DACH2: variants seen among roughly 807,000 people sequenced by gnomAD.
DACH2 encodes the protein dachshund homolog 2.
Under a neutral mutation model 35.8 loss-of-function variants are expected in DACH2, and 17 were observed. That is an observed-to-expected ratio of 0.48 (90% CI 0.33 to 0.71). DACH2 has a LOEUF of 0.71. Ranked by LOEUF, DACH2 falls within the 30% of genes least tolerant of loss-of-function variation. DACH2 has a pLI of 0.02. For synonymous variants in DACH2, 195 were observed against 177.3 expected (o/e 1.10, Z -0.79); for missense variants, 469 against 472.7 (o/e 0.99, Z 0.07).
chrX:86,743,637 A>C, intron 7 of DACH2, among the ~76,000 whole-genome samples: 1 of 111,453 alleles, frequency 9.0e-6, no homozygotes, highest in Middle Eastern at 4.6e-3. Context: ...AATTACCTAG[A>C]TGAGCATTTT....
At chrX:86,312,097 T>C (rs756764128) in intron 1 of DACH2, among the ~76,000 whole-genome samples, 3 of 111,910 alleles carry the variant, frequency 2.7e-5, no homozygotes, top group Non-Finnish European at 5.6e-5. Flanking sequence ...TAGAAGAAGG[T>C]AGTCATCGTT....
intron 1 of DACH2, among the ~76,000 whole-genome samples, chrX:86,199,690 C>T (rs891790829): frequency 1.8e-5 from 2 of 111,045 alleles, no homozygotes; most frequent in African/African-American, 6.5e-5. Context: ...AATACCTAGG[C>T]GGTAGCTATT....
At chrX:86,457,094 A>G (rs1450021684) in intron 2 of DACH2, among the ~76,000 whole-genome samples, 3 of 111,221 alleles carry the variant, frequency 2.7e-5, no homozygotes, top group Non-Finnish European at 5.7e-5. Flanking sequence ...TTTTTATGTC[A>G]TTGTCTTCTA....
At chrX:86,517,823 TA>T (rs760322710) in intron 3 of DACH2, among the ~76,000 whole-genome samples, 4 of 111,829 alleles carry the variant, frequency 3.6e-5, no homozygotes, top group Non-Finnish European at 5.6e-5. Flanking sequence ...AGTTTGCAAA[TA>T]TTTTTTTTCC....
intron 4 of DACH2, among the ~76,000 whole-genome samples, chrX:86,673,961 G>T (rs1281493402): frequency 8.9e-6 from 1 of 111,907 alleles, no homozygotes; most frequent in Non-Finnish European, 1.9e-5. Flanking sequence ...CCCAGCTAGG[G>T]AAGCCTGTAC....
chrX:86,739,799 G>A lies in DACH2; in HGVS notation c.1157G>A (p.Arg386His), dbSNP rs745838015. Residue 386 changes from arginine to histidine, a missense_variant, in exon 7 of 12, where the codon CGT becomes CAT. Physicochemically the swap from Arg to His is conservative, Grantham distance 29. Transcript: ENST00000373125. ...GCTCCTTCTCTAGAAGAGAATCATC[G>A]TCCTGGGAGCCAGACCTCTTCCCAC... ...SPAPSLEENH[R>H]PGSQTSSHTS... 9 of 1,194,468 alleles carry A rather than the reference G, an allele frequency of 7.5e-6. No individual in the cohort carries two copies. The highest frequency in any genetic ancestry group is 1.8e-5 in the South Asian group (1 of 54,681).
At chrX:86,324,665 G>A (rs1045239664) in intron 1 of DACH2, among the ~76,000 whole-genome samples, 6 of 89,773 alleles carry the variant, frequency 6.7e-5, no homozygotes, top group Admixed American at 3.0e-4. Flanking sequence ...TGCAAGCTCC[G>A]CCTCCCGGGT....
At chrX:86,675,074 T>C (rs1163539712) in intron 4 of DACH2, among the ~76,000 whole-genome samples, 1 of 111,649 alleles carries the variant, frequency 9.0e-6, no homozygotes, top group Non-Finnish European at 1.9e-5. Context: ...CCTTTTCCCA[T>C]CCCTCTGCCT....
intron 1 of DACH2, among the ~76,000 whole-genome samples, chrX:86,274,111 T>C (rs2033862670): frequency 1.1e-5 from 1 of 93,652 alleles, no homozygotes; most frequent in Non-Finnish European, 2.1e-5. Flanking sequence ...GTTCTTTCAG[T>C]TGCTGAAGGT....
At chrX:86,496,058 G>A (rs994190678) in intron 2 of DACH2, among the ~76,000 whole-genome samples, 3 of 110,811 alleles carry the variant, frequency 2.7e-5, no homozygotes, top group East Asian at 2.9e-4. Context: ...TAAGTGTGAC[G>A]TGCTTATTAT....
intron 1 of DACH2, among the ~76,000 whole-genome samples, chrX:86,319,524 T>G (rs1426239348): frequency 8.9e-6 from 1 of 111,907 alleles, no homozygotes; most frequent in Non-Finnish European, 1.9e-5. Flanking sequence ...GGGTCATGGT[T>G]ACTTCCATAT....
intron 3 of DACH2, among the ~76,000 whole-genome samples, chrX:86,618,582 T>C (rs1270229730): frequency 8.9e-6 from 1 of 112,208 alleles, no homozygotes; most frequent in African/African-American, 3.2e-5. Context: ...ACAAATATGT[T>C]TTACATAAAA....
intron 2 of DACH2, among the ~76,000 whole-genome samples, chrX:86,506,200 T>A (rs1346476719): frequency 1.8e-5 from 2 of 111,282 alleles, no homozygotes; most frequent in Non-Finnish European, 3.8e-5. Flanking sequence ...GGGGAATAAC[T>A]GTCTCAAAAG....
At chrX:86,331,001 G>C (rs1419958686) in intron 1 of DACH2, among the ~76,000 whole-genome samples, 1 of 111,231 alleles carries the variant, frequency 9.0e-6, no homozygotes, top group East Asian at 2.8e-4. Context: ...GAAAACCACA[G>C]TTTCATTGTT....
At chrX:86,619,856 A>G (rs2040049453) in intron 3 of DACH2, among the ~76,000 whole-genome samples, 1 of 112,373 alleles carries the variant, frequency 8.9e-6, no homozygotes, top group African/African-American at 3.2e-5. Context: ...GAGTTGTGCT[A>G]TATAGGCAAA....
In DACH2 at chrX:86,513,778, T is replaced by A. The variant is rs776588686; in HGVS notation, c.528-501T>A. ...CCTACTGAGGGTGGTAACCCTTTGT[T>A]CCTCGTTGGCTCCCAGCAGCTGTGG... On this transcript the variant is annotated intron_variant, in intron 2 of 11. Coordinates refer to ENST00000373125, the MANE Select transcript of DACH2 (RefSeq NM_053281.3). 2.7e-5 allele frequency among the ~76,000 whole-genome samples: 3 copies of A among 111,959 alleles called. No individual in the cohort carries two copies. The East Asian group carries it at 8.5e-4, about 32-fold the overall frequency.
chrX:86,607,682 G>T (rs6623734), intron 3 of DACH2, among the ~76,000 whole-genome samples: 12,951 of 103,941 alleles, frequency 0.12, 933 homozygotes, highest in South Asian at 0.33. Context: ...CCATGCTGGT[G>T]CGCTGCACCC....
intron 1 of DACH2, among the ~76,000 whole-genome samples, chrX:86,167,970 C>A (rs1463155996): frequency 9.0e-6 from 1 of 111,564 alleles, no homozygotes; most frequent in Non-Finnish European, 1.9e-5. Flanking sequence ...TATGGTCTGT[C>A]CTTGAGAATG....
chrX:86,547,662 C>G (rs2038995078), intron 3 of DACH2, among the ~76,000 whole-genome samples: 1 of 111,025 alleles, frequency 9.0e-6, no homozygotes, highest in East Asian at 2.8e-4. Context: ...TCATTTGTAG[C>G]TCATTTTAAA....
Sources: gnomAD v4.1 joint callset for allele counts (sites outside exome capture counted in the v4.1 genomes callset) on GRCh38, gnomAD v4.1.1 for gene constraint, MANE v1.5 for transcripts, NCBI Gene and HGNC (gene_info 2026-07-23, HGNC 2026-07-21) for gene names.